OGDHL: variants seen among roughly 807,000 people sequenced by gnomAD.
The protein encoded by OGDHL is oxoglutarate dehydrogenase L, also known as 2-oxoglutarate dehydrogenase-like, mitochondrial.
OGDHL carries 79 observed loss-of-function variants against 109.6 expected under a neutral mutation model. The ratio of observed to expected loss-of-function variants is 0.72; its 90% CI spans 0.60 to 0.87. OGDHL has a LOEUF of 0.87. Among genes scored for constraint, OGDHL ranks in the 40% least tolerant of loss-of-function variants. OGDHL has a pLI of 0.00. For synonymous variants in OGDHL, 528 were observed against 537.2 expected (o/e 0.98, Z 0.24); for missense variants, 1,275 against 1,362.2 (o/e 0.94, Z 1.01).
At chr10:49,752,884 C>A in intron 3 of OGDHL, 144 bp from the exon 4 acceptor site, 1 of 623,194 alleles carries the variant, frequency 1.6e-6, no homozygotes, top group East Asian at 2.8e-5. Context: ...TACTTCACTG[C>A]TGCCTGCGAG....
chr10:49,738,356 G>A (rs755317104), intron 17 of OGDHL, 94 bp from the exon 18 acceptor site: 163 of 1,369,492 alleles, frequency 1.2e-4, no homozygotes, highest in Non-Finnish European at 1.8e-5. Context: ...AAGTCTGGAG[G>A]GCTTCTCAGC....
At chr10:49,742,385 C>A (rs2132991520) in intron 15 of OGDHL, among the ~76,000 whole-genome samples, 2 of 734 alleles carry the variant, frequency 2.7e-3, no homozygotes, top group Non-Finnish European at 4.0e-3. Flanking sequence ...AAATACACAC[C>A]ACACCCCCAC....
intron 16 of OGDHL, among the ~76,000 whole-genome samples, 184 bp from the exon 17 acceptor site, chr10:49,740,023 G>C (rs534769835): frequency 6.6e-6 from 1 of 152,254 alleles, no homozygotes; most frequent in East Asian, 1.9e-4. Context: ...CTGACAACAT[G>C]CTCAGAGATG....
chr10:49,758,835 T>TGTGCCACACTCATCCC (rs1380912285), intron 1 of OGDHL, among the ~76,000 whole-genome samples: 67 of 152,226 alleles, frequency 4.4e-4, no homozygotes, highest in African/African-American at 1.6e-3. Flanking sequence ...CCAGCCCTGC[T>TGTGCCACACTCATCCC]GTGCCACACT....
In OGDHL at chr10:49,744,138, G is replaced by A. The variant is rs746189113; in HGVS notation, c.1733-16C>T. On this transcript the variant is annotated splice_polypyrimidine_tract_variant and intron_variant, in intron 13 of 22. Coordinates refer to ENST00000374103, the MANE Select transcript of OGDHL (RefSeq NM_018245.3). ...TTGAAGAAGCCTGAGAGGGAGAGAG[G>A]CTCTGTCCACACTGTGTCAGTGGTG... The A allele has an allele frequency of 4.3e-6, 7 of 1,612,486 alleles. No individual in the cohort carries two copies. The highest frequency in any genetic ancestry group is 5.9e-6 in the Non-Finnish European group (7 of 1,179,572).
intron 16 of OGDHL, 52 bp from the exon 17 acceptor site, chr10:49,739,891 G>C: frequency 1.3e-6 from 2 of 1,563,498 alleles, no homozygotes; most frequent in Non-Finnish European, 1.7e-6. Context: ...AAGTGGCAGT[G>C]GCTCCAGTCA....
At chr10:49,746,969 C>T (rs888657958) in intron 9 of OGDHL, 60 bp downstream of exon 9, 24 of 1,607,698 alleles carry the variant, frequency 1.5e-5, no homozygotes, top group East Asian at 2.2e-5. Flanking sequence ...GGGTCCAGCC[C>T]AGCCCTCTGG....
At chr10:49,749,984 G>A (rs1289106455) in intron 7 of OGDHL, among the ~76,000 whole-genome samples, 168 bp from the exon 8 acceptor site, 1 of 152,040 alleles carries the variant, frequency 6.6e-6, no homozygotes, top group East Asian at 1.9e-4. Flanking sequence ...GTAATGGCCC[G>A]AGGCTTAAAG....
chr10:49,741,686 CAT>C (rs1363593101), intron 15 of OGDHL, among the ~76,000 whole-genome samples: 5 of 150,510 alleles, frequency 3.3e-5, no homozygotes, highest in Admixed American at 2.7e-4. Flanking sequence ...ACCACACACA[CAT>C]ACACATCCCC....
chr10:49,744,836 TC>T, intron 12 of OGDHL, 84 bp from the exon 13 acceptor site: 1 of 1,081,206 alleles, frequency 9.2e-7, no homozygotes. Context: ...TAAGTCCTGG[TC>T]CCCATCACCA....
Position 49,736,056 on chromosome 10 carries a change from A to T in OGDHL, c.2876T>A (p.Phe959Tyr). The change falls in exon 22 of 23, where the codon TTC (phenylalanine) becomes TAC (tyrosine). Residue 959 changes from phenylalanine (F) to tyrosine (Y), a missense_variant. Physicochemically the swap from Phe to Tyr is conservative, Grantham distance 22. Transcript: ENST00000374103. The part of the protein sequence containing the change: ...MGYYDYISPR[F>Y]MTILRRARPI... ...CCGTGCGCGCCTCAGGATGGTCATG[A>T]AGCGTGGGCTGATGTAGTCATAGTA... is the stretch of plus-strand genomic sequence containing the variant. 1 of 1,605,038 alleles carries T rather than the reference A, an allele frequency of 6.2e-7. No individual in the cohort carries two copies. Among genetic ancestry groups the T allele is most frequent in the Non-Finnish European group, 8.5e-7 (1 of 1,175,698 alleles).
intron 14 of OGDHL, 151 bp from the exon 15 acceptor site, chr10:49,743,129 G>T: frequency 2.0e-6 from 2 of 1,018,690 alleles, no homozygotes; most frequent in Non-Finnish European, 2.8e-6. Context: ...CCAGGGCCAG[G>T]CACCCCTCCT....
intron 1 of OGDHL, among the ~76,000 whole-genome samples, chr10:49,759,641 C>T (rs1315021642): frequency 6.6e-6 from 1 of 152,134 alleles, no homozygotes; most frequent in Non-Finnish European, 1.5e-5. Context: ...TCATCCTACA[C>T]ATGATGTGTA....
At chr10:49,750,637 C>A (rs1465362094) in intron 7 of OGDHL, among the ~76,000 whole-genome samples, 1 of 152,144 alleles carries the variant, frequency 6.6e-6, no homozygotes, top group East Asian at 1.9e-4. Context: ...CTGGTTAGCA[C>A]CCGGCCCCAG....
chr10:49,751,131 G>A, intron 6 of OGDHL, 146 bp from the exon 7 acceptor site: 1 of 737,310 alleles, frequency 1.4e-6, no homozygotes, highest in East Asian at 2.8e-5. Context: ...CATGGTCCAG[G>A]GCCCACCATG....
chr10:49,752,000 AC>A lies in OGDHL; in HGVS notation c.595-20del. 1 of 1,613,692 alleles carries A rather than the reference AC, an allele frequency of 6.2e-7. No individual in the cohort carries two copies. On this transcript the variant is annotated intron_variant, in intron 5 of 22. Coordinates refer to ENST00000374103, the MANE Select transcript of OGDHL (RefSeq NM_018245.3). Reference sequence around the variant, plus strand: ...AGGTGTTCTGGGGAGACACATTGGGACCCCATGAGGAGCGGGGAAGAGGGAC... The same window carrying A: ...AGGTGTTCTGGGGAGACACATTGGGACCCATGAGGAGCGGGGAAGAGGGAC...
intron 1 of OGDHL, among the ~76,000 whole-genome samples, chr10:49,759,292 T>C (rs374302488): frequency 6.6e-6 from 1 of 151,864 alleles, no homozygotes. Flanking sequence ...GGCTAAGGTC[T>C]GGAGGGGCAG....
At position 49,736,020 on chromosome 10, in the gene OGDHL, T is replaced by G; in HGVS notation, c.2909+3A>C. 1.3e-6 allele frequency: 2 copies of G among 1,569,226 alleles called. No homozygotes were observed. Among genetic ancestry groups the G allele is most frequent in the Non-Finnish European group, 8.6e-7 (1 of 1,158,912 alleles). On this transcript the variant is annotated splice_donor_region_variant and intron_variant, in intron 22 of 22. Coordinates refer to ENST00000374103, the MANE Select transcript of OGDHL (RefSeq NM_018245.3). ...AGGGGCAATCAGCGGCCCCACCATG[T>G]ACCATATGGGCCGTGCGCGCCTCAG...
intron 16 of OGDHL, among the ~76,000 whole-genome samples, chr10:49,740,210 G>A (rs1365127119): frequency 6.6e-6 from 1 of 152,110 alleles, no homozygotes; most frequent in Non-Finnish European, 1.5e-5. Flanking sequence ...TGGCCTCTAG[G>A]GGCAGGCAGT....
Sources: allele counts gnomAD v4.1 joint callset (sites outside exome capture counted in the v4.1 genomes callset), GRCh38; gene constraint gnomAD v4.1.1; transcripts MANE v1.5; gene names NCBI Gene and HGNC (gene_info 2026-07-23, HGNC 2026-07-21).